Variants in VIT observed in about 807,000 individuals in gnomAD.
The protein encoded by VIT is vitrin.
Under a neutral mutation model 78.0 loss-of-function variants are expected in VIT, and 99 were observed. The ratio of observed to expected loss-of-function variants is 1.27; its 90% CI spans 1.08 to 1.50. The LOEUF (loss-of-function observed/expected upper bound fraction) is 1.50. Among genes scored for constraint, VIT ranks in the 40% most tolerant of loss-of-function variants. VIT has a pLI of 0.00. For synonymous variants in VIT, 374 were observed against 334.3 expected (o/e 1.12, Z -1.29); for missense variants, 1,126 against 875.3 (o/e 1.29, Z -3.61).
intron 11 of VIT, among the ~76,000 whole-genome samples, chr2:36,783,786 G>C (rs1664917983): frequency 6.6e-6 from 1 of 152,202 alleles, no homozygotes; most frequent in Non-Finnish European, 1.5e-5. Flanking sequence ...GAGATACAGA[G>C]AAGGGAGAAT....
chr2:36,788,922 G>T (rs1364661300), intron 12 of VIT, among the ~76,000 whole-genome samples: 1 of 152,106 alleles, frequency 6.6e-6, no homozygotes. Context: ...AATGTTGCAG[G>T]GAAGGAAGAA....
chr2:36,706,702 A>G (rs1665448946), intron 1 of VIT, among the ~76,000 whole-genome samples: 1 of 152,200 alleles, frequency 6.6e-6, no homozygotes, highest in Admixed American at 6.5e-5. Context: ...TGACCAGCTG[A>G]GTCATTTACA....
Position 36,808,960 on chromosome 2 carries a change from C to T in VIT, c.1878C>T (p.Ile626=). 6.3e-7 allele frequency: 1 copy of T among 1,596,458 alleles called. No individual in the cohort carries two copies. Among genetic ancestry groups the T allele is most frequent in the African/African-American group, 1.3e-5 (1 of 74,884 alleles). ...TDGRSYDDVR[I]PAMAAHLKGV... ...GGAGGTCCTACGACGACGTCCGGAT[C>T]CCAGCCATGGCTGCCCATCTGAAGG... The change falls in exon 15 of 16, where the codon ATC becomes ATT. Residue 626 remains isoleucine, a synonymous_variant. Transcript: ENST00000379242.
intron 5 of VIT, among the ~76,000 whole-genome samples, chr2:36,757,749 A>T (rs1668856634): frequency 6.6e-6 from 1 of 152,190 alleles, no homozygotes; most frequent in African/African-American, 2.4e-5. Flanking sequence ...TAGTTCCAAA[A>T]CATTTTAACA....
At position 36,754,924 on chromosome 2, in the gene VIT, T is replaced by C. The variant is rs112313087; in HGVS notation, c.279T>C (p.Gly93=). 3.1e-6 allele frequency: 5 copies of C among 1,613,584 alleles called. No homozygotes were observed. Among genetic ancestry groups the C allele is most frequent in the Non-Finnish European group, 4.2e-6 (5 of 1,179,822 alleles). The change falls in exon 5 of 16, where the codon GGT becomes GGC. Residue 93 remains glycine (G), a synonymous_variant. Transcript: ENST00000379242. The stretch of plus-strand genomic sequence containing the variant: ...AAATTATTTTTTCTCTTCATAGTGG[T>C]GTGCTTGATAATTCAGGAGGGAAAA... ...SSVCGAAVHS[G]VLDNSGGKIL... is the part of the protein sequence containing the mutation.
chr2:36,795,107 G>C (rs865870571), intron 12 of VIT, among the ~76,000 whole-genome samples: 2 of 152,148 alleles, frequency 1.3e-5, no homozygotes, highest in Non-Finnish European at 2.9e-5. Flanking sequence ...CTAGGGATTG[G>C]AAGCTAGGAG....
chr2:36,812,967 T>G (rs923304131), intron 15 of VIT, among the ~76,000 whole-genome samples: 1 of 148,164 alleles, frequency 6.7e-6, no homozygotes, highest in Non-Finnish European at 1.5e-5. Context: ...GTTCAAGTGA[T>G]TCTCCTGTCT....
At chr2:36,759,533 A>G in intron 6 of VIT, 1 of 1,102,950 alleles carries the variant, frequency 9.1e-7, no homozygotes, top group African/African-American at 1.7e-5. Flanking sequence ...CATGTGAACC[A>G]CAAAAGGGAG....
At chr2:36,765,238 A>C (rs1240078579) in intron 6 of VIT, among the ~76,000 whole-genome samples, 1 of 152,152 alleles carries the variant, frequency 6.6e-6, no homozygotes, top group Admixed American at 6.5e-5. Context: ...TCACATCCAT[A>C]GAGGAGGAGG....
chr2:36,765,225 A>G (rs1669348211), intron 6 of VIT, among the ~76,000 whole-genome samples: 1 of 152,114 alleles, frequency 6.6e-6, no homozygotes, highest in South Asian at 2.1e-4. Context: ...GAGGGAGATT[A>G]TTTCACATCC....
At chr2:36,775,496 TGACA>T (rs1669997332) in intron 9 of VIT, among the ~76,000 whole-genome samples, 2 of 152,216 alleles carry the variant, frequency 1.3e-5, no homozygotes, top group Non-Finnish European at 2.9e-5. Flanking sequence ...TTTTACTGCC[TGACA>T]ATTTTGGGTT....
intron 7 of VIT, among the ~76,000 whole-genome samples, chr2:36,768,845 G>C (rs1219973219): frequency 6.6e-6 from 1 of 152,018 alleles, no homozygotes; most frequent in East Asian, 1.9e-4. Flanking sequence ...TCATTTACCA[G>C]GTATACTGCA....
At chr2:36,729,319 C>A in intron 2 of VIT, 107 bp from the exon 3 acceptor site, 3 of 924,766 alleles carry the variant, frequency 3.2e-6, no homozygotes, top group Non-Finnish European at 3.2e-6. Flanking sequence ...AAAATTAGTT[C>A]TGCCATGGAG....
intron 1 of VIT, among the ~76,000 whole-genome samples, chr2:36,704,018 G>A (rs534230534): frequency 1.3e-5 from 2 of 148,910 alleles, no homozygotes; most frequent in Admixed American, 1.4e-4. Flanking sequence ...TCTGCCTTCC[G>A]GTGTTTGACT....
At chr2:36,807,535 T>A (rs748518184) in intron 14 of VIT, among the ~76,000 whole-genome samples, 1 of 152,238 alleles carries the variant, frequency 6.6e-6, no homozygotes. Flanking sequence ...AAATCAATTT[T>A]TGAAAAATAT....
In VIT at chr2:36,787,261, G is replaced by A. The variant is rs772641746; in HGVS notation, c.1043G>A (p.Gly348Asp). The A allele has an allele frequency of 8.7e-5, 140 of 1,614,050 alleles. No homozygotes were observed. The highest frequency in any genetic ancestry group is 3.3e-4 in the Middle Eastern group (2 of 6,084). The stretch of plus-strand genomic sequence containing the variant: ...ATTGGCCCTGCCGGTCCACTGATGG[G>A]TGTTGTCCAGTATGGGTAAGTGCAG... ...LDIGPAGPLMGVVQYGDNPAT... is the reference protein window; with the variant it reads ...LDIGPAGPLMDVVQYGDNPAT... Residue 348 changes from glycine (G) to aspartate (D), a missense_variant, in exon 12 of 16, where the codon GGT becomes GAT. Physicochemically the swap from Gly to Asp is moderately conservative, Grantham distance 94. Transcript: ENST00000379242.
At position 36,805,541 on chromosome 2, in the gene VIT, G is replaced by A. The variant is rs199550583; in HGVS notation, c.1266G>A (p.Thr422=). 388 of 1,614,102 alleles carry A rather than the reference G, an allele frequency of 2.4e-4. No homozygotes were observed. Among genetic ancestry groups the A allele is most frequent in the African/African-American group, 3.2e-4 (24 of 75,012 alleles). Residue 422 remains threonine, a synonymous_variant, in exon 14 of 16, where the codon ACG becomes ACA. Transcript: ENST00000379242. ...TGGTGATGGTGGATGGCTGGCCCACGGACAAAGTGGAGGAGGCTTCAAGAC... is the reference window on the plus strand; with the variant it reads ...TGGTGATGGTGGATGGCTGGCCCACAGACAAAGTGGAGGAGGCTTCAAGAC... ...VVVVMVDGWP[T]DKVEEASRLA...
Position 36,814,404 on chromosome 2 carries a change from T to A in VIT, c.*43T>A. 1.9e-6 allele frequency: 3 copies of A among 1,606,968 alleles called. No individual in the cohort carries two copies. The highest frequency in any genetic ancestry group is 2.6e-6 in the Non-Finnish European group (3 of 1,176,130). On this transcript the variant is annotated 3_prime_UTR_variant, in exon 16 of 16. Transcript: ENST00000379242. ...CACCAGCAAGTGCTGCTTTACTAAC[T>A]GACGTGTTGGACCACCCCACCGCTT...
chr2:36,706,912 G>A (rs1183147593), intron 1 of VIT, among the ~76,000 whole-genome samples: 1 of 152,164 alleles, frequency 6.6e-6, no homozygotes, highest in Non-Finnish European at 1.5e-5. Context: ...GGTAGAAAGT[G>A]CGCAATATTA....
Sources: allele counts gnomAD v4.1 joint callset (sites outside exome capture counted in the v4.1 genomes callset), GRCh38; gene constraint gnomAD v4.1.1; transcripts MANE v1.5; gene names NCBI Gene and HGNC (gene_info 2026-07-23, HGNC 2026-07-21).